Variants in COL4A2 observed in about 807,000 individuals in gnomAD.
The protein encoded by COL4A2 is collagen alpha-2(IV) chain.
COL4A2 carries 99 observed loss-of-function variants against 200.2 expected under a neutral mutation model. The observed-to-expected ratio is 0.49, with a 90% confidence interval of 0.42 to 0.58. The LOEUF is 0.58. Ranked by LOEUF, COL4A2 falls within the 20% of genes least tolerant of loss-of-function variation. COL4A2 has a pLI of 0.00. For synonymous variants in COL4A2, 897 were observed against 900.6 expected, an observed-to-expected ratio of 1.00 and a Z score of 0.07; for missense variants, 1,950 against 2,314.1, an observed-to-expected ratio of 0.84 and a Z score of 3.23.
intron 3 of COL4A2, among the ~76,000 whole-genome samples, chr13:110,314,200 G>A (rs1311524299): frequency 6.6e-6 from 1 of 152,198 alleles, no homozygotes; most frequent in Non-Finnish European, 1.5e-5. Context: ...CATGATGTCT[G>A]GGTGAAGGGT....
chr13:110,332,835 C>T (rs1010134595), intron 3 of COL4A2, among the ~76,000 whole-genome samples: 43 of 152,324 alleles, frequency 2.8e-4, no homozygotes, highest in African/African-American at 7.7e-4. Flanking sequence ...CTCAAATGCA[C>T]GCTTACTTTC....
In COL4A2 at chr13:110,508,844, C is replaced by T. The variant is rs574297191; in HGVS notation, c.4881+623C>T. ...TTTGGCCAGATTAGGTTTAGCTTAA[C>T]CTCCAGGGGAGAGACCACAGCACCA... On this transcript the variant is annotated intron_variant, in intron 47 of 47. Transcript: ENST00000360467. This position sits in a 1 kb window ranked among gnomAD's most constrained non-coding sequence, Gnocchi z 6.1. 6.6e-6 allele frequency among the ~76,000 whole-genome samples: 1 copy of T among 152,270 alleles called. No homozygotes were observed. Among genetic ancestry groups the T allele is most frequent in the African/African-American group, 2.4e-5 (1 of 41,556 alleles).
At chr13:110,358,820 CAAT>C (rs1877394461) in intron 4 of COL4A2, among the ~76,000 whole-genome samples, 1 of 152,178 alleles carries the variant, frequency 6.6e-6, no homozygotes, top group Non-Finnish European at 1.5e-5. Flanking sequence ...CTAGAACAAA[CAAT>C]AATATAATGC....
chr13:110,433,293 C>A (rs926746812), intron 11 of COL4A2, among the ~76,000 whole-genome samples: 4 of 152,252 alleles, frequency 2.6e-5, no homozygotes, highest in African/African-American at 9.6e-5. Flanking sequence ...AGAAATAGGA[C>A]CAGGCGGCCG....
rs79894878 is a variant in COL4A2, at chr13:110,447,296, T to C, written c.1078+432T>C. On this transcript the variant is annotated intron_variant, in intron 18 of 47. Coordinates refer to ENST00000360467, the MANE Select transcript of COL4A2 (RefSeq NM_001846.4). ...CTGCTTGCCAGCCCGACACCTGGAA[T>C]TGATCATAACTCATAACCAGTGAAC... 9.3e-3 allele frequency among the ~76,000 whole-genome samples: 1,420 copies of C among 152,334 alleles called. 18 individuals are homozygous for C. The highest frequency in any genetic ancestry group is 0.032 in the African/African-American group (1,348 of 41,564).
At chr13:110,393,574 T>C (rs1879070685) in intron 4 of COL4A2, among the ~76,000 whole-genome samples, 2 of 149,988 alleles carry the variant, frequency 1.3e-5, no homozygotes, top group Non-Finnish European at 3.0e-5. Flanking sequence ...AGAATCCCAC[T>C]ATAAAGAGGG....
At chr13:110,429,327 G>A (rs12876308) in intron 7 of COL4A2, 36,825 of 152,116 alleles carry the variant, frequency 0.24, 4,628 homozygotes, top group Middle Eastern at 0.27. Flanking sequence ...AATAAACTAC[G>A]TCATCTTCTA....
At chr13:110,345,274 T>C (rs1876645549) in intron 3 of COL4A2, among the ~76,000 whole-genome samples, 1 of 152,240 alleles carries the variant, frequency 6.6e-6, no homozygotes, top group Non-Finnish European at 1.5e-5. Context: ...GTGTTCATAC[T>C]CAATGCATTG....
intron 17 of COL4A2, 28 bp downstream of exon 17, chr13:110,445,910 C>T: frequency 1.2e-6 from 2 of 1,613,604 alleles, no homozygotes; most frequent in Non-Finnish European, 8.5e-7. Flanking sequence ...GTCTTTGCCA[C>T]TTATGGTGTC....
At chr13:110,357,973 A>G (rs753466811) in intron 4 of COL4A2, among the ~76,000 whole-genome samples, 2 of 152,220 alleles carry the variant, frequency 1.3e-5, no homozygotes, top group Non-Finnish European at 2.9e-5. Flanking sequence ...CTGTAGATCC[A>G]TCAACACTGG....
chr13:110,309,016 C>T (rs1330334017), intron 3 of COL4A2, among the ~76,000 whole-genome samples: 1 of 152,178 alleles, frequency 6.6e-6, no homozygotes, highest in Non-Finnish European at 1.5e-5. Flanking sequence ...GCAGCCGGGG[C>T]CCAGGTGGAT....
intron 8 of COL4A2, 88 bp downstream of exon 8, chr13:110,430,044 G>T (rs1432047227): frequency 1.5e-6 from 2 of 1,345,048 alleles, no homozygotes; most frequent in Non-Finnish European, 2.0e-6. Flanking sequence ...AACTTTGCAT[G>T]TAAGAATGAA....
At position 110,446,861 on chromosome 13, in the gene COL4A2, A is replaced by G. The variant is rs761876101; in HGVS notation, c.1075A>G (p.Lys359Glu). The G allele has an allele frequency of 6.2e-7, 1 of 1,611,284 alleles. No homozygotes were observed. Among genetic ancestry groups the G allele is most frequent in the South Asian group, 1.1e-5 (1 of 90,974 alleles). ...PAYSPHPSLA[K>E]GARGDPGFPG... ...CTACTCCCCTCACCCTTCCCTAGCAAAAGGTGTGTGAACAATTTCACCTGC... is the reference window on the plus strand; with the variant it reads ...CTACTCCCCTCACCCTTCCCTAGCAGAAGGTGTGTGAACAATTTCACCTGC... Residue 359 changes from lysine (K) to glutamate (E), a missense_variant, in exon 18 of 48, where the codon AAA becomes GAA. Lys to Glu is a moderately conservative substitution (Grantham distance 56). Around this residue, in one of 2 missense-constraint regions of COL4A2, gnomAD observed 565 missense variants for 593.5 expected, o/e 0.95. Coordinates refer to ENST00000360467, the MANE Select transcript of COL4A2 (RefSeq NM_001846.4).
chr13:110,464,772 G>A, intron 24 of COL4A2, among the ~76,000 whole-genome samples: 1 of 152,148 alleles, frequency 6.6e-6, no homozygotes, highest in East Asian at 1.9e-4. Context: ...CGTGGGGACA[G>A]CACCGAGCCG....
At chr13:110,450,210 C>T (rs531961890) in intron 19 of COL4A2, 95 bp from the exon 20 acceptor site, 36 of 1,068,980 alleles carry the variant, frequency 3.4e-5, no homozygotes, top group African/African-American at 2.2e-4. Flanking sequence ...CCATGAAGCC[C>T]GCTAGTGCCC....
At chr13:110,503,352 T>C (rs1883717489) in intron 42 of COL4A2, 31 bp from the exon 43 acceptor site, 2 of 1,590,006 alleles carry the variant, frequency 1.3e-6, no homozygotes, top group South Asian at 2.3e-5. Context: ...CCACAGACTT[T>C]CGTGTCCCTA....
intron 20 of COL4A2, among the ~76,000 whole-genome samples, chr13:110,455,851 G>C (rs1881711722): frequency 6.6e-6 from 1 of 152,208 alleles, no homozygotes; most frequent in Non-Finnish European, 1.5e-5. Flanking sequence ...CTTCCTGTGT[G>C]TAACGGCCTC....
At chr13:110,401,483 AAAAC>A (rs1330581658) in intron 4 of COL4A2, among the ~76,000 whole-genome samples, 3 of 152,228 alleles carry the variant, frequency 2.0e-5, no homozygotes, top group Non-Finnish European at 4.4e-5. Context: ...CAGGGGAACT[AAAAC>A]AAACAAAACT....
At chr13:110,483,302 C>T (rs1882997616) in intron 32 of COL4A2, among the ~76,000 whole-genome samples, 1 of 152,162 alleles carries the variant, frequency 6.6e-6, no homozygotes, top group South Asian at 2.1e-4. Context: ...CCTTCACAGG[C>T]TGCCAGCAGG....
Sources: gnomAD v4.1 joint callset for allele counts (sites outside exome capture counted in the v4.1 genomes callset) on GRCh38, gnomAD v4.1.1 for gene constraint, gnomAD v4.1.1 regional missense constraint, Gnocchi (gnomAD v3.1) non-coding constraint, MANE v1.5 for transcripts, NCBI Gene and HGNC (gene_info 2026-07-23, HGNC 2026-07-21) for gene names.